The following SPTBN2 variants were observed in gnomAD, a reference collection of about 807,000 sequenced individuals.
The protein encoded by SPTBN2 is spectrin beta chain, non-erythrocytic 2.
SPTBN2 carries 107 observed loss-of-function variants against 284.2 expected under a neutral mutation model. The ratio of observed to expected loss-of-function variants is 0.38; its 90% CI spans 0.32 to 0.44. The LOEUF (loss-of-function observed/expected upper bound fraction) is 0.44. SPTBN2 is among the 20% of genes least tolerant of loss of function. The pLI is 1.00. For synonymous variants in SPTBN2, 1,289 were observed against 1,354.8 expected, an observed-to-expected ratio of 0.95 and a Z score of 1.07; for missense variants, 2,569 against 3,287.1, an observed-to-expected ratio of 0.78 and a Z score of 5.34.
upstream of SPTBN2, among the ~76,000 whole-genome samples, chr11:66,729,714 C>T (rs750474726): frequency 9.9e-5 from 15 of 152,158 alleles, no homozygotes; most frequent in Non-Finnish European, 1.5e-4. Context: ...TTGAAGTTCT[C>T]TCCTAGCTCT....
At position 66,689,085 on chromosome 11, in the gene SPTBN2, T is replaced by G; in HGVS notation, c.6034+11A>C. 1 of 1,602,274 alleles carries G rather than the reference T, an allele frequency of 6.2e-7. No homozygotes were observed. Among genetic ancestry groups the G allele is most frequent in the Non-Finnish European group, 8.5e-7 (1 of 1,173,696 alleles). ...CTCCCCACAGGGCCTGGGGCCCCCT[T>G]GGCAGCTCACCCAGCTGAAGCCAGT... On this transcript the variant is annotated intron_variant, in intron 30 of 37. Transcript: ENST00000533211.
chr11:66,699,712 G>A, intron 17 of SPTBN2, 104 bp from the exon 18 acceptor site: 1 of 1,159,028 alleles, frequency 8.6e-7, no homozygotes, highest in East Asian at 2.4e-5. Context: ...CCAACAAGCA[G>A]ACAGGGAGGG....
rs916724414 is a variant in SPTBN2, at chr11:66,683,268, G to A, written c.*2603C>T. Among the ~76,000 whole-genome samples the A allele has an allele frequency of 1.1e-4, 17 of 151,510 alleles. No individual in the cohort carries two copies. Among genetic ancestry groups the A allele is most frequent in the Non-Finnish European group, 2.1e-4 (14 of 67,866 alleles). The stretch of plus-strand genomic sequence containing the variant: ...TTTTTAGTAGAGACGGGGTTTCACC[G>A]TTTTAGCCGGGATGGTCTCGATCTC... On this transcript the variant is annotated 3_prime_UTR_variant, in exon 38 of 38. Coordinates refer to ENST00000533211, the MANE Select transcript of SPTBN2 (RefSeq NM_006946.4).
At chr11:66,734,658 T>C (rs1291402224) in intron 1 of SPTBN2, among the ~76,000 whole-genome samples, 1 of 152,174 alleles carries the variant, frequency 6.6e-6, no homozygotes, top group Non-Finnish European at 1.5e-5. Context: ...CCATACTGGA[T>C]TGTCACTGCC....
At chr11:66,744,232 T>C (rs1243792874) in intron 1 of SPTBN2, among the ~76,000 whole-genome samples, 2 of 152,204 alleles carry the variant, frequency 1.3e-5, no homozygotes, top group African/African-American at 4.8e-5. Flanking sequence ...GATATGTGTA[T>C]GGTTATAAAA....
Position 66,709,810 on chromosome 11 carries a change from G to C in SPTBN2, c.1073+772C>G, listed in dbSNP as rs554983412. Among the ~76,000 whole-genome samples, 9 of 152,308 alleles carry C rather than the reference G, an allele frequency of 5.9e-5. No homozygotes were observed. The South Asian group carries it at 1.9e-3, about 32-fold the overall frequency. ...CAGACGTTTTGGCAGGTACTGAACAGAATTGCCTAACAGCAATCACATACT... is the reference window on the plus strand; with the variant it reads ...CAGACGTTTTGGCAGGTACTGAACACAATTGCCTAACAGCAATCACATACT... On this transcript the variant is annotated intron_variant, in intron 10 of 37. Transcript: ENST00000533211.
chr11:66,707,832 A>G lies in SPTBN2; in HGVS notation c.1351-14T>C. On this transcript the variant is annotated splice_polypyrimidine_tract_variant and intron_variant, in intron 12 of 37. Transcript: ENST00000533211. The surrounding 1 kb of genome is among the most constrained non-coding windows in gnomAD (Gnocchi z 4.9). ...CCCAAAGTTGTCCTGTGTCGGGGGC[A>G]GGGAGAGGAGGTGTGGGGACCAAGG... The G allele has an allele frequency of 1.2e-6, 2 of 1,606,404 alleles. No homozygotes were observed. Among genetic ancestry groups the G allele is most frequent in the South Asian group, 2.2e-5 (2 of 90,984 alleles).
At chr11:66,692,493 C>G in intron 26 of SPTBN2, 43 bp downstream of exon 26, 2 of 1,597,098 alleles carry the variant, frequency 1.3e-6, no homozygotes, top group East Asian at 2.2e-5. Context: ...GTCCTCCACT[C>G]TTCCCACGGT....
chr11:66,708,090 C>A lies in SPTBN2; in HGVS notation c.1350+51G>T. The A allele has an allele frequency of 6.2e-7, 1 of 1,610,630 alleles. No homozygotes were observed. Among genetic ancestry groups the A allele is most frequent in the Non-Finnish European group, 8.5e-7 (1 of 1,177,980 alleles). On this transcript the variant is annotated intron_variant, in intron 12 of 37. Coordinates refer to ENST00000533211, the MANE Select transcript of SPTBN2 (RefSeq NM_006946.4). The surrounding 1 kb of genome is among the most constrained non-coding windows in gnomAD (Gnocchi z 4.4). ...CCGCGGGGCTTCTTATCCACCCTGT[C>A]TCTCTCCCAGTTCTGACCAGCCTAA...
intron 1 of SPTBN2, among the ~76,000 whole-genome samples, chr11:66,740,376 C>T (rs1292297576): frequency 6.6e-6 from 1 of 152,174 alleles, no homozygotes; most frequent in Admixed American, 6.5e-5. Flanking sequence ...ATGCTGTAGT[C>T]CAAGAATTGC....
At chr11:66,702,062 T>C (rs1000290073) in intron 15 of SPTBN2, among the ~76,000 whole-genome samples, 3 of 152,214 alleles carry the variant, frequency 2.0e-5, no homozygotes, top group African/African-American at 7.2e-5. Context: ...CCCCCTTAGC[T>C]GCCTATCTGG....
rs958370594 is a variant in SPTBN2 at position 66,710,676 on chromosome 11, T to G, written c.979A>C (p.Thr327Pro). 2.5e-6 allele frequency: 4 copies of G among 1,614,004 alleles called. No homozygotes were observed. Among genetic ancestry groups the G allele is most frequent in the Non-Finnish European group, 2.5e-6 (3 of 1,180,018 alleles). The change falls in exon 10 of 38, where the codon ACC becomes CCC. Residue 327 changes from threonine (T) to proline (P), a missense_variant. Thr to Pro is a conservative substitution (Grantham distance 38). Coordinates refer to ENST00000533211, the MANE Select transcript of SPTBN2 (RefSeq NM_006946.4). The surrounding 1 kb of genome is among the most constrained non-coding windows in gnomAD (Gnocchi z 4.9). Reference sequence around the variant, plus strand: ...TTGGCCAACTGCCGGTCATTGAGGGTCACGATCGTTTGCTCGATCCACTGC... The same window carrying G: ...TTGGCCAACTGCCGGTCATTGAGGGGCACGATCGTTTGCTCGATCCACTGC... Reference protein sequence around the residue: ...LLQWIEQTIVTLNDRQLANSL... With the variant: ...LLQWIEQTIVPLNDRQLANSL...
chr11:66,708,474 T>C lies in SPTBN2; in HGVS notation c.1192-175A>G, dbSNP rs1276042468. On this transcript the variant is annotated intron_variant, in intron 11 of 37. Transcript: ENST00000533211. The surrounding 1 kb of genome is among the most constrained non-coding windows in gnomAD (Gnocchi z 4.4). ...GCAGCGCTGGGAGTCTGTGAAGCCA[T>C]GTAGAAGCTTCTGGAAAAGGACTGG... Among the ~76,000 whole-genome samples, 1 of 152,228 alleles carries C rather than the reference T, an allele frequency of 6.6e-6. No individual in the cohort carries two copies. Among genetic ancestry groups the C allele is most frequent in the Non-Finnish European group, 1.5e-5 (1 of 68,036 alleles).
rs1941700026 is a variant in SPTBN2, at chr11:66,708,741, G to A, written c.1191+161C>T. 1.3e-5 allele frequency among the ~76,000 whole-genome samples: 2 copies of A among 152,132 alleles called. No individual in the cohort carries two copies. Among genetic ancestry groups the A allele is most frequent in the South Asian group, 2.1e-4 (1 of 4,824 alleles). ...CTGAGAGGATGGGAGAATCACATCTGGCACAGTGTGGGCAGCTGGGCAGAG... is the reference window on the plus strand; with the variant it reads ...CTGAGAGGATGGGAGAATCACATCTAGCACAGTGTGGGCAGCTGGGCAGAG... On this transcript the variant is annotated intron_variant, in intron 11 of 37. Coordinates refer to ENST00000533211, the MANE Select transcript of SPTBN2 (RefSeq NM_006946.4). This position sits in a 1 kb window ranked among gnomAD's most constrained non-coding sequence, Gnocchi z 4.4.
At chr11:66,702,898 A>C (rs1941320307) in intron 15 of SPTBN2, among the ~76,000 whole-genome samples, 1 of 132,932 alleles carries the variant, frequency 7.5e-6, no homozygotes, top group Admixed American at 9.5e-5. Flanking sequence ...AGATTGTGCC[A>C]CTGCACTCCA....
Position 66,715,200 on chromosome 11 carries a change from G to T in SPTBN2, c.483+22C>A. The T allele has an allele frequency of 6.2e-7, 1 of 1,614,212 alleles. No homozygotes were observed. The highest frequency in any genetic ancestry group is 8.5e-7 in the Non-Finnish European group (1 of 1,180,032). ...AGAGCCAGGGCAGGAACCACACCCT[G>T]TGTGACAGTGTGCTGGGGTACCTGG... On this transcript the variant is annotated intron_variant, in intron 5 of 37. Coordinates refer to ENST00000533211, the MANE Select transcript of SPTBN2 (RefSeq NM_006946.4). This position sits in a 1 kb window ranked among gnomAD's most constrained non-coding sequence, Gnocchi z 5.3.
intron 36 of SPTBN2, 106 bp downstream of exon 36, chr11:66,686,888 C>T: frequency 3.3e-6 from 5 of 1,498,432 alleles, no homozygotes; most frequent in Non-Finnish European, 4.6e-6. Flanking sequence ...GGTTACTCCA[C>T]TCAGGCTCCT....
chr11:66,715,783 G>A lies in SPTBN2; in HGVS notation c.309+47C>T. On this transcript the variant is annotated intron_variant, in intron 4 of 37. Transcript: ENST00000533211. The surrounding 1 kb of genome is among the most constrained non-coding windows in gnomAD (Gnocchi z 5.3). ...GCTGTTCTTCCAGCTGGTCCCCTTG[G>A]ACACTTTTCTAAGGCCCCCCCACTT... is the stretch of plus-strand genomic sequence containing the variant. The A allele has an allele frequency of 2.5e-6, 4 of 1,608,488 alleles. No homozygotes were observed. Among genetic ancestry groups the A allele is most frequent in the Non-Finnish European group, 3.4e-6 (4 of 1,177,934 alleles).
rs754208198 is a variant in SPTBN2 at position 66,704,651 on chromosome 11, G to A, written c.2625C>T (p.Leu875=). ...GLWVEEKEQW[L]NGLALPERLE... ...GGCGTTCAGGCAGGGCCAGCCCGTT[G>A]AGCCACTGCTCCTTCTCCTCCACCC... Residue 875 remains leucine (L), a synonymous_variant, in exon 15 of 38, where the codon CTC becomes CTT. Coordinates refer to ENST00000533211, the MANE Select transcript of SPTBN2 (RefSeq NM_006946.4). 7 of 1,611,966 alleles carry A rather than the reference G, an allele frequency of 4.3e-6. No individual in the cohort carries two copies. The highest frequency in any genetic ancestry group is 5.9e-6 in the Non-Finnish European group (7 of 1,179,656).
Sources: gnomAD v4.1 joint callset for allele counts (sites outside exome capture counted in the v4.1 genomes callset) on GRCh38, gnomAD v4.1.1 for gene constraint, Gnocchi (gnomAD v3.1) non-coding constraint, MANE v1.5 for transcripts, NCBI Gene and HGNC (gene_info 2026-07-23, HGNC 2026-07-21) for gene names.